The following ARHGAP24 variants were observed in gnomAD, a reference collection of about 807,000 sequenced individuals.
The protein encoded by ARHGAP24 is Rho GTPase activating protein 24.
In ARHGAP24, 50 loss-of-function variants were observed where a neutral mutation model predicts 76.4. The ratio of observed to expected loss-of-function variants is 0.65; its 90% CI spans 0.52 to 0.83. The LOEUF is 0.83. Ranked by LOEUF, ARHGAP24 falls within the 40% of genes least tolerant of loss-of-function variation. The pLI is 0.00. For missense variants in ARHGAP24, 930 were observed against 914.2 expected (o/e 1.02, Z -0.22); for synonymous variants, 345 against 323.3 (o/e 1.07, Z -0.72).
chr4:85,904,056 A>C (rs976777840), intron 3 of ARHGAP24, among the ~76,000 whole-genome samples: 3 of 152,136 alleles, frequency 2.0e-5, no homozygotes, highest in Non-Finnish European at 2.9e-5. Context: ...ATCATGTGCA[A>C]TCTCTAATTA....
intron 3 of ARHGAP24, among the ~76,000 whole-genome samples, chr4:85,821,007 T>A: frequency 6.6e-6 from 1 of 152,128 alleles, no homozygotes. Context: ...TACCTAGTGT[T>A]TTATATCTCA....
intron 2 of ARHGAP24, among the ~76,000 whole-genome samples, chr4:85,595,746 A>G (rs997516543): frequency 3.9e-5 from 6 of 152,074 alleles, no homozygotes; most frequent in Non-Finnish European, 8.8e-5. Context: ...AATCCCAAAG[A>G]TAGGTGTAGC....
chr4:85,873,671 A>C (rs1170088289), intron 3 of ARHGAP24, among the ~76,000 whole-genome samples: 2 of 152,212 alleles, frequency 1.3e-5, no homozygotes, highest in Admixed American at 1.3e-4. Flanking sequence ...CTTTCCAAGC[A>C]TCCCATTTCA....
chr4:85,816,152 G>A (rs573659087), intron 3 of ARHGAP24, among the ~76,000 whole-genome samples: 3 of 152,222 alleles, frequency 2.0e-5, no homozygotes, highest in East Asian at 1.9e-4. Context: ...ACACAGAGCC[G>A]AACCATATCA....
intron 1 of ARHGAP24, among the ~76,000 whole-genome samples, chr4:85,519,981 C>T (rs1007668704): frequency 6.6e-6 from 1 of 152,114 alleles, no homozygotes; most frequent in African/African-American, 2.4e-5. Context: ...ATCCCTTATT[C>T]CTCTCACCTT....
intron 2 of ARHGAP24, among the ~76,000 whole-genome samples, chr4:85,607,949 G>A (rs1395175446): frequency 2.0e-5 from 3 of 151,840 alleles, no homozygotes; most frequent in Non-Finnish European, 4.4e-5. Flanking sequence ...TGTTTATACA[G>A]GTGTGCCTCT....
chr4:85,838,036 G>T (rs1226051372), intron 3 of ARHGAP24, among the ~76,000 whole-genome samples: 1 of 152,122 alleles, frequency 6.6e-6, no homozygotes, highest in Non-Finnish European at 1.5e-5. Flanking sequence ...TTCAAATAAT[G>T]TCTGGAAAAA....
chr4:85,594,262 G>A (rs1258587204), intron 2 of ARHGAP24, among the ~76,000 whole-genome samples: 1 of 151,470 alleles, frequency 6.6e-6, no homozygotes, highest in African/African-American at 2.4e-5. Context: ...TTTCACTATT[G>A]GCATACAGAA....
intron 2 of ARHGAP24, among the ~76,000 whole-genome samples, chr4:85,695,905 T>C (rs2110021661): frequency 6.6e-6 from 1 of 152,312 alleles, no homozygotes; most frequent in South Asian, 2.1e-4. Context: ...ACTGATATAG[T>C]ATAACTTGAA....
chr4:85,567,640 G>C (rs1726899770), intron 1 of ARHGAP24, among the ~76,000 whole-genome samples: 1 of 152,026 alleles, frequency 6.6e-6, no homozygotes, highest in East Asian at 1.9e-4. Flanking sequence ...GCCAGACATC[G>C]TACTGAGTAG....
At chr4:85,562,273 C>T (rs1726627117) in intron 1 of ARHGAP24, among the ~76,000 whole-genome samples, 1 of 152,076 alleles carries the variant, frequency 6.6e-6, no homozygotes, top group Non-Finnish European at 1.5e-5. Context: ...AAATAGAAGG[C>T]TATGATAGTA....
At chr4:85,549,268 C>G (rs928361925) in intron 1 of ARHGAP24, among the ~76,000 whole-genome samples, 7 of 69,198 alleles carry the variant, frequency 1.0e-4, no homozygotes, top group African/African-American at 2.3e-4. Context: ...TACACTTTCA[C>G]CAGCAATATA....
chr4:85,789,959 G>A (rs1423339886), intron 3 of ARHGAP24, among the ~76,000 whole-genome samples: 1 of 152,110 alleles, frequency 6.6e-6, no homozygotes, highest in South Asian at 2.1e-4. Flanking sequence ...CCAATGCCCT[G>A]ACTTTACATA....
At chr4:85,968,731 G>A (rs996569675) in intron 5 of ARHGAP24, among the ~76,000 whole-genome samples, 10 of 151,942 alleles carry the variant, frequency 6.6e-5, no homozygotes, top group South Asian at 4.2e-4. Flanking sequence ...TATTTTCTTC[G>A]GTGAGAAAGG....
chr4:85,509,617 C>T (rs1724198880), intron 1 of ARHGAP24, among the ~76,000 whole-genome samples: 1 of 151,956 alleles, frequency 6.6e-6, no homozygotes, highest in African/African-American at 2.4e-5. Flanking sequence ...TTGAAATGCT[C>T]ATCTGCTATA....
At chr4:85,658,507 T>C (rs1030579739) in intron 2 of ARHGAP24, among the ~76,000 whole-genome samples, 1 of 152,226 alleles carries the variant, frequency 6.6e-6, no homozygotes, top group Non-Finnish European at 1.5e-5. Context: ...CAGCTTCTTA[T>C]ACTGAAATTC....
chr4:85,539,460 T>C (rs1725595135), intron 1 of ARHGAP24, among the ~76,000 whole-genome samples: 1 of 152,158 alleles, frequency 6.6e-6, no homozygotes, highest in Admixed American at 6.5e-5. Context: ...CATTAAAATG[T>C]TGTTTGAAGA....
chr4:85,765,432 G>A lies in ARHGAP24; in HGVS notation c.268+43460G>A, dbSNP rs577973542. Among the ~76,000 whole-genome samples the A allele has an allele frequency of 2.0e-5, 3 of 152,196 alleles. No homozygotes were observed. The East Asian group carries it at 5.8e-4, about 29-fold the overall frequency. ...ACCCAATAAGCACTAAGGAAAATGA[G>A]TTGAAAGATTCACTAAGGTCCATGT... is the stretch of plus-strand genomic sequence containing the variant. On this transcript the variant is annotated intron_variant, in intron 3 of 9. Coordinates refer to ENST00000395184, the MANE Select transcript of ARHGAP24 (RefSeq NM_001025616.3).
At chr4:85,828,086 CTGTG>C in intron 3 of ARHGAP24, 2 of 792,086 alleles carry the variant, frequency 2.5e-6, no homozygotes, top group Non-Finnish European at 3.7e-6. Flanking sequence ...AGGACCTAGA[CTGTG>C]TGCGGTTTTA....
Sources: allele counts gnomAD v4.1 joint callset (sites outside exome capture counted in the v4.1 genomes callset), GRCh38; gene constraint gnomAD v4.1.1; transcripts MANE v1.5; gene names NCBI Gene and HGNC (gene_info 2026-07-23, HGNC 2026-07-21).